KDM1B: variants seen among roughly 807,000 people sequenced by gnomAD.
The protein encoded by KDM1B is lysine-specific histone demethylase 2.
KDM1B carries 63 observed loss-of-function variants against 107.4 expected under a neutral mutation model. That is an observed-to-expected ratio of 0.59 (90% CI 0.48 to 0.72). The LOEUF (loss-of-function observed/expected upper bound fraction) is 0.72, where lower values mean the gene tolerates loss of function less well. Ranked by LOEUF, KDM1B falls within the 30% of genes least tolerant of loss-of-function variation. The pLI, the probability that KDM1B is intolerant of heterozygous loss-of-function variation, is 0.00. For missense variants in KDM1B, 749 were observed against 1,020.8 expected (o/e 0.73, Z 3.63); for synonymous variants, 363 against 363.9 (o/e 1.00, Z 0.03).
Position 18,213,903 on chromosome 6 carries a change from T to A in KDM1B, c.2109+122T>A, listed in dbSNP as rs553423103. 2 of 1,091,284 alleles carry A rather than the reference T, an allele frequency of 1.8e-6. No individual in the cohort carries two copies. Among genetic ancestry groups the A allele is most frequent in the African/African-American group, 3.1e-5 (2 of 64,068 alleles). The allele number at this position is 1,091,284 out of a possible 1,614,324, so 67.6% of individuals were successfully genotyped here. A position where few individuals can be genotyped will look rare whatever the true frequency, so the allele number is the denominator to read the frequency against. On this transcript the variant is annotated intron_variant, in intron 19 of 21. Coordinates refer to ENST00000650836, the MANE Select transcript of KDM1B (RefSeq NM_001364614.2). The surrounding 1 kb of genome is among the most constrained non-coding windows in gnomAD (Gnocchi z 5.9). ...ATCATGGAGACCCTGGGTCTATGTTTATATTCTGGGAGGACACTTGGACTG... is the reference window on the plus strand; with the variant it reads ...ATCATGGAGACCCTGGGTCTATGTTAATATTCTGGGAGGACACTTGGACTG...
chr6:18,167,545 C>T (rs1785383984), intron 6 of KDM1B, among the ~76,000 whole-genome samples: 1 of 151,578 alleles, frequency 6.6e-6, no homozygotes, highest in African/African-American at 2.4e-5. Context: ...ACAATCTTAG[C>T]TCACTACAAC....
At position 18,172,118 on chromosome 6, in the gene KDM1B, C is replaced by T. The variant is rs549210902; in HGVS notation, c.534+639C>T. Reference sequence around the variant, plus strand: ...AGGATGTTGCAACACTAAACAAAGCCGGATCCTATTAGTGAGGAAGAAAAG... The same window carrying T: ...AGGATGTTGCAACACTAAACAAAGCTGGATCCTATTAGTGAGGAAGAAAAG... On this transcript the variant is annotated intron_variant, in intron 7 of 21. Transcript: ENST00000650836. The surrounding 1 kb of genome is among the most constrained non-coding windows in gnomAD (Gnocchi z 5.2). Among the ~76,000 whole-genome samples, 4 of 152,190 alleles carry T rather than the reference C, an allele frequency of 2.6e-5. No individual in the cohort carries two copies. The highest frequency in any genetic ancestry group is 4.4e-5 in the Non-Finnish European group (3 of 68,026).
intron 17 of KDM1B, among the ~76,000 whole-genome samples, chr6:18,210,842 TA>T (rs1197654703): frequency 1.3e-5 from 2 of 151,886 alleles, no homozygotes; most frequent in African/African-American, 2.4e-5. Context: ...CTACCAAACA[TA>T]AAAAAATTAT....
rs542342706 is a variant in KDM1B, at chr6:18,203,583, T to C, written c.1531+1926T>C. 6.6e-6 allele frequency among the ~76,000 whole-genome samples: 1 copy of C among 152,314 alleles called. No individual in the cohort carries two copies. The highest frequency in any genetic ancestry group is 2.1e-4 in the South Asian group (1 of 4,832). On this transcript the variant is annotated intron_variant, in intron 14 of 21. Transcript: ENST00000650836. This position sits in a 1 kb window ranked among gnomAD's most constrained non-coding sequence, Gnocchi z 5.5. ...AAAAATCACACTGTGCTGGGCGCGG[T>C]GGCTAACGCCTGTAATCTCAGCACT...
intron 17 of KDM1B, among the ~76,000 whole-genome samples, chr6:18,210,973 C>T (rs572909298): frequency 9.9e-5 from 15 of 152,022 alleles, no homozygotes; most frequent in Non-Finnish European, 1.9e-4. Flanking sequence ...GCACTCCAGC[C>T]GGGGCAACAG....
Position 18,198,359 on chromosome 6 carries a change from T to C in KDM1B, c.1221+698T>C, listed in dbSNP as rs187990539. Among the ~76,000 whole-genome samples the C allele has an allele frequency of 1.9e-3, 259 of 139,766 alleles. 1 individual carries two copies. The highest frequency in any genetic ancestry group is 7.4e-3 in the African/African-American group (230 of 30,926). 91.7% of individuals were successfully genotyped at this position (139,766 alleles called of 152,430 possible). ...GTTCTAAGTTTTTTTTTTAAATCTA[T>C]TTATTTATTTTGAGACAGTGTTATG... On this transcript the variant is annotated intron_variant, in intron 12 of 21. Coordinates refer to ENST00000650836, the MANE Select transcript of KDM1B (RefSeq NM_001364614.2).
chr6:18,176,730 T>A (rs1223372483), intron 7 of KDM1B, among the ~76,000 whole-genome samples: 1 of 152,240 alleles, frequency 6.6e-6, no homozygotes, highest in Non-Finnish European at 1.5e-5. Context: ...TTTTTGTTTT[T>A]AATTCTGTTT....
chr6:18,202,553 A>G (rs1788108515), intron 14 of KDM1B, among the ~76,000 whole-genome samples: 1 of 152,114 alleles, frequency 6.6e-6, no homozygotes. Context: ...TTAAATTGAT[A>G]TTTATTTGGC....
chr6:18,164,726 A>C (rs1785182988), intron 5 of KDM1B, among the ~76,000 whole-genome samples: 1 of 151,890 alleles, frequency 6.6e-6, no homozygotes, highest in Non-Finnish European at 1.5e-5. Context: ...GCTCACTGCA[A>C]CTTCCGCCTC....
chr6:18,214,536 T>C lies in KDM1B; in HGVS notation c.2110-471T>C, dbSNP rs930217380. ...AGCAATAGAGTGGATGGATGAATAA[T>C]GAGTGTTTGCGAGGAAAATGGACTG... On this transcript the variant is annotated intron_variant, in intron 19 of 21. Coordinates refer to ENST00000650836, the MANE Select transcript of KDM1B (RefSeq NM_001364614.2). The surrounding 1 kb of genome is among the most constrained non-coding windows in gnomAD (Gnocchi z 4.4). 4.6e-5 allele frequency among the ~76,000 whole-genome samples: 7 copies of C among 152,202 alleles called. No homozygotes were observed. Among genetic ancestry groups the C allele is most frequent in the Non-Finnish European group, 1.0e-4 (7 of 68,040 alleles).
intron 7 of KDM1B, among the ~76,000 whole-genome samples, chr6:18,173,737 T>G (rs1276533062): frequency 6.6e-6 from 1 of 152,190 alleles, no homozygotes; most frequent in South Asian, 2.1e-4. Flanking sequence ...TACCGTTTGC[T>G]AAAAAGACTG....
At chr6:18,157,325 A>T (rs1025010231) in intron 2 of KDM1B, among the ~76,000 whole-genome samples, 1 of 152,248 alleles carries the variant, frequency 6.6e-6, no homozygotes, top group Non-Finnish European at 1.5e-5. Context: ...AAAACCCTCG[A>T]TAAGATTTAA....
chr6:18,165,795 C>T (rs775319791), intron 5 of KDM1B, among the ~76,000 whole-genome samples: 1 of 152,112 alleles, frequency 6.6e-6, no homozygotes, highest in Non-Finnish European at 1.5e-5. Context: ...GCGCTGCAGC[C>T]TGGGTGACAG....
rs767315671 is a variant in KDM1B, at chr6:18,171,510, G to C, written c.534+31G>C. 8 of 1,112,400 alleles carry C rather than the reference G, an allele frequency of 7.2e-6. No homozygotes were observed. The South Asian group carries it at 8.6e-5, about 12-fold the overall frequency. The allele number at this position is 1,112,400 out of a possible 1,614,324, so 68.9% of individuals were successfully genotyped here. ...TTCTCTTTTTGCTTTTGAGTTAATT[G>C]ATATATTAATGTAGTCAGTAAATAG... On this transcript the variant is annotated intron_variant, in intron 7 of 21. Transcript: ENST00000650836.
At chr6:18,160,597 G>T (rs1260240222) in intron 3 of KDM1B, among the ~76,000 whole-genome samples, 5 of 152,108 alleles carry the variant, frequency 3.3e-5, no homozygotes, top group Non-Finnish European at 5.9e-5. Context: ...AATTAGCTGG[G>T]TGTGGTGGCG....
rs1252264091 is a variant in KDM1B, at chr6:18,203,578, C to T, written c.1531+1921C>T. Among the ~76,000 whole-genome samples, 2 of 152,094 alleles carry T rather than the reference C, an allele frequency of 1.3e-5. No homozygotes were observed. The highest frequency in any genetic ancestry group is 6.6e-5 in the Admixed American group (1 of 15,254). ...TACATAAAAATCACACTGTGCTGGG[C>T]GCGGTGGCTAACGCCTGTAATCTCA... On this transcript the variant is annotated intron_variant, in intron 14 of 21. Coordinates refer to ENST00000650836, the MANE Select transcript of KDM1B (RefSeq NM_001364614.2). The surrounding 1 kb of genome is among the most constrained non-coding windows in gnomAD (Gnocchi z 5.5).
intron 5 of KDM1B, among the ~76,000 whole-genome samples, chr6:18,164,387 C>T (rs1237449837): frequency 6.6e-6 from 1 of 152,108 alleles, no homozygotes; most frequent in East Asian, 1.9e-4. Context: ...CTCAGCCTCC[C>T]AAAGTGCTGG....
intron 10 of KDM1B, among the ~76,000 whole-genome samples, chr6:18,192,935 G>A (rs1787377760): frequency 6.6e-6 from 1 of 152,018 alleles, no homozygotes; most frequent in African/African-American, 2.4e-5. Flanking sequence ...GCTCACGCCT[G>A]TAATCCCAGC....
Position 18,161,314 on chromosome 6 carries a change from G to C in KDM1B, c.88-13G>C, listed in dbSNP as rs1430597074. On this transcript the variant is annotated splice_polypyrimidine_tract_variant and intron_variant, in intron 3 of 21. Coordinates refer to ENST00000650836, the MANE Select transcript of KDM1B (RefSeq NM_001364614.2). ...CATCAGTGAAATTTTAACATCAGCT[G>C]TGACTCCCTTAGGCGAAGAAGAAAG... 1.9e-6 allele frequency: 3 copies of C among 1,613,278 alleles called. No homozygotes were observed. Among genetic ancestry groups the C allele is most frequent in the Admixed American group, 1.7e-5 (1 of 59,958 alleles).
Sources: gnomAD v4.1 joint callset for allele counts (sites outside exome capture counted in the v4.1 genomes callset) on GRCh38, gnomAD v4.1.1 for gene constraint, Gnocchi (gnomAD v3.1) non-coding constraint, MANE v1.5 for transcripts, NCBI Gene and HGNC (gene_info 2026-07-23, HGNC 2026-07-21) for gene names.